The following NCKAP5 variants were observed in gnomAD, a reference collection of about 807,000 sequenced individuals.
The protein encoded by NCKAP5 is nck-associated protein 5.
A neutral mutation model predicts 167.0 loss-of-function variants in NCKAP5; 92 were observed. The ratio of observed to expected loss-of-function variants is 0.55; its 90% confidence interval spans 0.47 to 0.66. The LOEUF (loss-of-function observed/expected upper bound fraction) is 0.66, where lower values mean the gene tolerates loss of function less well. Ranked by LOEUF, NCKAP5 falls within the 30% of genes least tolerant of loss-of-function variation. The pLI is 0.00. For missense variants in NCKAP5, 2,378 were observed against 2,315.0 expected, an observed-to-expected ratio of 1.03 and a Z score of -0.56; for synonymous variants, 891 against 877.4, an observed-to-expected ratio of 1.02 and a Z score of -0.27.
intron 4 of NCKAP5, among the ~76,000 whole-genome samples, chr2:133,256,195 G>T (rs903227534): frequency 3.9e-5 from 6 of 152,004 alleles, no homozygotes; most frequent in Non-Finnish European, 8.8e-5. Context: ...TACAATAATT[G>T]TATGCTTATA....
chr2:133,170,174 A>C (rs2084180070), intron 5 of NCKAP5, among the ~76,000 whole-genome samples: 1 of 152,210 alleles, frequency 6.6e-6, no homozygotes, highest in African/African-American at 2.4e-5. Flanking sequence ...GAAATGTTTA[A>C]TTTCATTGCC....
chr2:132,763,036 C>T (rs1234523397), intron 16 of NCKAP5, among the ~76,000 whole-genome samples: 3 of 152,126 alleles, frequency 2.0e-5, no homozygotes, highest in Admixed American at 2.0e-4. Context: ...CACAGCACAC[C>T]ATTGATCAGG....
chr2:133,326,458 CAAAAAAAAA>C (rs34750625), intron 3 of NCKAP5, among the ~76,000 whole-genome samples: 1 of 48,984 alleles, frequency 2.0e-5, no homozygotes, highest in East Asian at 6.4e-4. Flanking sequence ...TCAGTCTCAA[CAAAAAAAAA>C]AAAAAAAAAA....
chr2:133,501,472 TA>T (rs893468396), intron 3 of NCKAP5, among the ~76,000 whole-genome samples: 3 of 151,968 alleles, frequency 2.0e-5, no homozygotes, highest in Admixed American at 1.3e-4. Flanking sequence ...AGATTTCACC[TA>T]AAAAAAAGTA....
At chr2:133,388,488 G>A (rs1225553487) in intron 3 of NCKAP5, among the ~76,000 whole-genome samples, 1 of 152,246 alleles carries the variant, frequency 6.6e-6, no homozygotes, top group Non-Finnish European at 1.5e-5. Context: ...TCGGGGGTCA[G>A]GGACCCACTT....
At position 132,785,574 on chromosome 2, in the gene NCKAP5, C is replaced by A. The variant is rs746375092; in HGVS notation, c.1237G>T (p.Val413Leu). Residue 413 changes from valine (V) to leucine (L), a missense_variant, in exon 14 of 20, where the codon GTG (valine) becomes TTG (leucine). Physicochemically the swap from Val to Leu is conservative, Grantham distance 32. Transcript: ENST00000409261. ...EGLRKLQKRK[V>L]LLEPPSVITK... is the part of the protein sequence containing the mutation. ...ATCACTGATGGGGGTTCAAGTAACA[C>A]TTTTCGCTTCTGTAGCTTTCTTAGC... The A allele has an allele frequency of 5.6e-6, 9 of 1,596,402 alleles. No individual in the cohort carries two copies. In the Admixed American group the frequency reaches 1.2e-4, roughly 22 times the overall value.
Position 133,118,057 on chromosome 2 carries a change from A to G in NCKAP5, c.341+11921T>C, listed in dbSNP as rs537206900. 3.9e-5 allele frequency: 6 copies of G among 152,234 alleles called. No individual in the cohort carries two copies. In the South Asian group the frequency reaches 1.2e-3, roughly 32 times the overall value. 9.4% of individuals were successfully genotyped at this position (152,234 alleles called of 1,614,324 possible). A position where few individuals can be genotyped will look rare whatever the true frequency, so the allele number is the denominator to read the frequency against. On this transcript the variant is annotated intron_variant, in intron 6 of 19. Transcript: ENST00000409261. ...TTCAGTTCTCTATTAAACCCTCTTCACCTGCACATGCTTCAATACTCATCT... is the reference window on the plus strand; with the variant it reads ...TTCAGTTCTCTATTAAACCCTCTTCGCCTGCACATGCTTCAATACTCATCT...
intron 6 of NCKAP5, among the ~76,000 whole-genome samples, chr2:133,027,241 C>T (rs902904552): frequency 6.6e-6 from 1 of 152,166 alleles, no homozygotes; most frequent in Non-Finnish European, 1.5e-5. Context: ...ATACACATCA[C>T]CCCAGCATGT....
chr2:132,812,377 T>A (rs1367906275), intron 11 of NCKAP5, among the ~76,000 whole-genome samples: 1 of 152,232 alleles, frequency 6.6e-6, no homozygotes, highest in African/African-American at 2.4e-5. Flanking sequence ...ATTTTTCAAA[T>A]GAGAAAACTG....
chr2:132,901,792 A>G (rs1693648649), intron 8 of NCKAP5, among the ~76,000 whole-genome samples: 1 of 152,250 alleles, frequency 6.6e-6, no homozygotes, highest in African/African-American at 2.4e-5. Context: ...TGCACTGTGC[A>G]TTAATTGCAT....
intron 4 of NCKAP5, among the ~76,000 whole-genome samples, chr2:133,237,158 G>A (rs2087461148): frequency 6.6e-6 from 1 of 151,900 alleles, no homozygotes; most frequent in African/African-American, 2.4e-5. Flanking sequence ...AAACATCAGT[G>A]CATTGCTTAT....
At position 132,878,905 on chromosome 2, in the gene NCKAP5, T is replaced by C. The variant is rs771035322; in HGVS notation, c.591A>G (p.Ser197=). 1.9e-6 allele frequency: 3 copies of C among 1,613,072 alleles called. No individual in the cohort carries two copies. The highest frequency in any genetic ancestry group is 2.5e-6 in the Non-Finnish European group (3 of 1,179,046). The change falls in exon 9 of 20, where the codon TCA becomes TCG. Residue 197 remains serine (S), a synonymous_variant. Coordinates refer to ENST00000409261, the MANE Select transcript of NCKAP5 (RefSeq NM_207363.3). ...ERLKALEAEN[S]ALALENENQR... ...GATTTTCATTCTCCAAAGCCAACGCTGAATTCTCTGCCTGCAGTAAGATAC... is the reference window on the plus strand; with the variant it reads ...GATTTTCATTCTCCAAAGCCAACGCCGAATTCTCTGCCTGCAGTAAGATAC...
chr2:133,636,766 G>GCCT, the NCKAP5 span, among the ~76,000 whole-genome samples: 2,574 of 152,210 alleles, frequency 0.017, 76 homozygotes, highest in African/African-American at 0.058. Flanking sequence ...CATTCCAAGG[G>GCCT]CCTAGAACCA....
At chr2:133,631,400 G>A in the NCKAP5 span, among the ~76,000 whole-genome samples, 1 of 152,054 alleles carries the variant, frequency 6.6e-6, no homozygotes, top group Non-Finnish European at 1.5e-5. Context: ...GTTCTGACTG[G>A]GATGTTCTGT....
the NCKAP5 span, among the ~76,000 whole-genome samples, chr2:133,647,594 G>GGA: frequency 1.5e-5 from 2 of 137,776 alleles, no homozygotes; most frequent in Non-Finnish European, 3.1e-5. Context: ...ATATAGAGAG[G>GGA]GAGAGAGAGA....
At chr2:133,346,448 AG>A (rs903304939) in intron 3 of NCKAP5, among the ~76,000 whole-genome samples, 1 of 152,228 alleles carries the variant, frequency 6.6e-6, no homozygotes, top group African/African-American at 2.4e-5. Flanking sequence ...TGAGATTAAG[AG>A]ATTTGGGTAC....
chr2:133,200,308 G>A (rs2085632802), intron 5 of NCKAP5, among the ~76,000 whole-genome samples: 1 of 151,814 alleles, frequency 6.6e-6, no homozygotes, highest in Admixed American at 6.6e-5. Context: ...TCAAAGTTCA[G>A]AAACAAACCT....
At chr2:132,680,854 A>G (rs1362211491) in intron 19 of NCKAP5, among the ~76,000 whole-genome samples, 2 of 152,216 alleles carry the variant, frequency 1.3e-5, no homozygotes, top group Admixed American at 1.3e-4. Context: ...TGATTTCTGC[A>G]AACTCTGATG....
chr2:132,811,068 C>T (rs1202797047), intron 11 of NCKAP5, among the ~76,000 whole-genome samples: 1 of 152,088 alleles, frequency 6.6e-6, no homozygotes, highest in African/African-American at 2.4e-5. Flanking sequence ...TGAGTCTACT[C>T]GACTCCAGAC....
Sources: allele counts gnomAD v4.1 joint callset (sites outside exome capture counted in the v4.1 genomes callset), GRCh38; gene constraint gnomAD v4.1.1; transcripts MANE v1.5; gene names NCBI Gene and HGNC (gene_info 2026-07-23, HGNC 2026-07-21).